COL7A1: variants seen among roughly 807,000 people sequenced by gnomAD.
The protein encoded by COL7A1 is collagen type VII alpha 1 chain.
COL7A1 carries 296 observed loss-of-function variants against 456.2 expected under a neutral mutation model. That is an observed-to-expected ratio of 0.65 (90% confidence interval 0.59 to 0.71). COL7A1 has a LOEUF of 0.71. Among genes scored for constraint, COL7A1 ranks in the 30% least tolerant of loss-of-function variants. The probability of loss-of-function intolerance (pLI) is 0.00; values close to 1 mark genes in which losing one functional copy is unlikely to be tolerated. For missense variants in COL7A1, 3,441 were observed against 4,017.2 expected, an observed-to-expected ratio of 0.86 and a Z score of 3.88; for synonymous variants, 1,464 against 1,525.9, an observed-to-expected ratio of 0.96 and a Z score of 0.95.
Position 48,574,546 on chromosome 3 carries a change from A to G in COL7A1, c.6398T>C (p.Val2133Ala), listed in dbSNP as rs372838887. 88 of 1,613,772 alleles carry G rather than the reference A, an allele frequency of 5.5e-5. No homozygotes were observed. Among genetic ancestry groups the G allele is most frequent in the Middle Eastern group, 4.9e-4 (3 of 6,082 alleles). ...GDQGPKGDRG[V>A]PGIKGDRGEP... ...TCCCCGGTCTCCTTTGATGCCTGGC[A>G]CACCCTGAAGGCAGAGTGTCGTGCC... Residue 2133 changes from valine to alanine, a missense_variant, in exon 79 of 119, where the codon GTG becomes GCG. Around this residue, in one of 3 missense-constraint regions of COL7A1, gnomAD observed 2,084 missense variants for 2,501.3 expected, o/e 0.83. Transcript: ENST00000681320. The surrounding 1 kb of genome is among the most constrained non-coding windows in gnomAD (Gnocchi z 5.0).
chr3:48,575,979 G>T lies in COL7A1; in HGVS notation c.5821-77C>A. On this transcript the variant is annotated intron_variant, in intron 71 of 118. Coordinates refer to ENST00000681320, the MANE Select transcript of COL7A1 (RefSeq NM_000094.4). The surrounding 1 kb of genome is among the most constrained non-coding windows in gnomAD (Gnocchi z 6.3). The stretch of plus-strand genomic sequence containing the variant: ...TTCTGCCCCGCACGGCCTCAGGAAA[G>T]CACCTTCACACCCTTTTCCCTAGGC... 6.2e-7 allele frequency: 1 copy of T among 1,607,850 alleles called. No homozygotes were observed. The highest frequency in any genetic ancestry group is 1.1e-5 in the South Asian group (1 of 90,936).
Position 48,587,195 on chromosome 3 carries a change from G to T in COL7A1, c.3134C>A (p.Thr1045Lys). The change falls in exon 24 of 119, where the codon ACG becomes AAG. Residue 1045 changes from threonine to lysine, a missense_variant. Transcript: ENST00000681320. The surrounding 1 kb of genome is among the most constrained non-coding windows in gnomAD (Gnocchi z 6.1). ...TCCCACTACGCCCACTATACCTGGC[G>T]TCTGTGTGACAGATGCCTCAGGACC... ...VRGPEASVTQ[T>K]PVCPRGLADV... is the part of the protein sequence containing the mutation. 6.2e-7 allele frequency: 1 copy of T among 1,613,582 alleles called. No homozygotes were observed. The highest frequency in any genetic ancestry group is 1.1e-5 in the South Asian group (1 of 90,996).
chr3:48,568,358 G>A lies in COL7A1; in HGVS notation c.7794+141C>T, dbSNP rs1037343102. 11 of 1,064,506 alleles carry A rather than the reference G, an allele frequency of 1.0e-5. No homozygotes were observed. The highest frequency in any genetic ancestry group is 9.8e-5 in the South Asian group (7 of 71,518). 65.9% of individuals were successfully genotyped at this position (1,064,506 alleles called of 1,614,324 possible). On this transcript the variant is annotated intron_variant, in intron 105 of 118. Transcript: ENST00000681320. This position sits in a 1 kb window ranked among gnomAD's most constrained non-coding sequence, Gnocchi z 5.2. ...ACCATCATAGGCGGCTACTGTGGAGGTGGGGGACCCTGGGTGACATGAGGA... is the reference window on the plus strand; with the variant it reads ...ACCATCATAGGCGGCTACTGTGGAGATGGGGGACCCTGGGTGACATGAGGA...
Position 48,571,042 on chromosome 3 carries a change from T to TAGAG in COL7A1, c.7164+58_7164+59insCTCT, listed in dbSNP as rs2043884501. 6.2e-7 allele frequency: 1 copy of TAGAG among 1,611,632 alleles called. No individual in the cohort carries two copies. Among genetic ancestry groups the TAGAG allele is most frequent in the African/African-American group, 1.3e-5 (1 of 74,836 alleles). ...CCAGGACTCTCATCAGAACTCCCTC[T>TAGAG]TCCTCCTGTGGGGGCCCGGCCTGCT... On this transcript the variant is annotated intron_variant, in intron 94 of 118. Coordinates refer to ENST00000681320, the MANE Select transcript of COL7A1 (RefSeq NM_000094.4). This position sits in a 1 kb window ranked among gnomAD's most constrained non-coding sequence, Gnocchi z 4.6.
At position 48,588,448 on chromosome 3, in the gene COL7A1, C is replaced by T. The variant is rs772142154; in HGVS notation, c.2588-44G>A. On this transcript the variant is annotated intron_variant, in intron 20 of 118. Coordinates refer to ENST00000681320, the MANE Select transcript of COL7A1 (RefSeq NM_000094.4). This position sits in a 1 kb window ranked among gnomAD's most constrained non-coding sequence, Gnocchi z 4.6. ...AATCAGGGAGGCTCTGCCCCCATGG[C>T]CCCTGCACCAATCCCAGGCCCACCC... 2.5e-6 allele frequency: 4 copies of T among 1,600,312 alleles called. No individual in the cohort carries two copies. The Admixed American group carries it at 6.7e-5, about 27-fold the overall frequency.
rs2045430250 is a variant in COL7A1 at position 48,588,290 on chromosome 3, T to C, written c.2702A>G (p.Gln901Arg). Residue 901 changes from glutamine (Q) to arginine (R), a missense_variant, in exon 21 of 119, where the codon CAA becomes CGA. Around this residue, in one of 3 missense-constraint regions of COL7A1, gnomAD observed 444 missense variants for 427.6 expected, o/e 1.04. Coordinates refer to ENST00000681320, the MANE Select transcript of COL7A1 (RefSeq NM_000094.4). This position sits in a 1 kb window ranked among gnomAD's most constrained non-coding sequence, Gnocchi z 4.6. Reference sequence around the variant, plus strand: ...CTGGGGACACCTCTCACCCTCAGGTTGCCAGTGCAGAAGGAAGCCCTGCGC... The same window carrying C: ...CTGGGGACACCTCTCACCCTCAGGTCGCCAGTGCAGAAGGAAGCCCTGCGC... Reference protein sequence around the residue: ...PRAQGFLLHWQPEGGQEQSRV... With the variant: ...PRAQGFLLHWRPEGGQEQSRV... The C allele has an allele frequency of 6.2e-7, 1 of 1,612,900 alleles. No individual in the cohort carries two copies. The highest frequency in any genetic ancestry group is 8.5e-7 in the Non-Finnish European group (1 of 1,179,946).
At position 48,565,409 on chromosome 3, in the gene COL7A1, C is replaced by T. The variant is rs1223377093; in HGVS notation, c.8527+1G>A. 6.2e-7 allele frequency: 1 copy of T among 1,603,280 alleles called. No homozygotes were observed. The highest frequency in any genetic ancestry group is 1.7e-5 in the Admixed American group (1 of 58,670). On this transcript the variant is annotated splice_donor_variant, in intron 116 of 118. Transcript: ENST00000681320. LOFTEE classifies it high-confidence loss of function. This position sits in a 1 kb window ranked among gnomAD's most constrained non-coding sequence, Gnocchi z 4.5. Reference sequence around the variant, plus strand: ...TGCCCCACGGGTTCAGCTGTCCTCACCTTCCTCCTCTGCATGAGAGACGCG... The same window carrying T: ...TGCCCCACGGGTTCAGCTGTCCTCATCTTCCTCCTCTGCATGAGAGACGCG...
At position 48,590,326 on chromosome 3, in the gene COL7A1, T is replaced by A. The variant is rs1559431562; in HGVS notation, c.1937A>T (p.Asp646Val). 6 of 1,613,822 alleles carry A rather than the reference T, an allele frequency of 3.7e-6. No individual in the cohort carries two copies. The highest frequency in any genetic ancestry group is 4.2e-6 in the Non-Finnish European group (5 of 1,179,940). ...CCCTGTGATGTCTGTGGCAGTAGAG[T>A]CTGGGGGCAGTGTCTGGCTGGACTC... The part of the protein sequence containing the change: ...GPESSQTLPP[D>V]STATDITGLQ... Residue 646 changes from aspartate (D) to valine (V), a missense_variant, in exon 16 of 119, where the codon GAC becomes GTC. Around this residue, in one of 3 missense-constraint regions of COL7A1, gnomAD observed 913 missense variants for 1,088.2 expected, o/e 0.84. Coordinates refer to ENST00000681320, the MANE Select transcript of COL7A1 (RefSeq NM_000094.4). This position sits in a 1 kb window ranked among gnomAD's most constrained non-coding sequence, Gnocchi z 4.6.
chr3:48,583,813 A>T lies in COL7A1; in HGVS notation c.4279-33T>A, dbSNP rs747317198. On this transcript the variant is annotated intron_variant, in intron 39 of 118. Coordinates refer to ENST00000681320, the MANE Select transcript of COL7A1 (RefSeq NM_000094.4). The surrounding 1 kb of genome is among the most constrained non-coding windows in gnomAD (Gnocchi z 5.1). The stretch of plus-strand genomic sequence containing the variant: ...GAAGTGAGTAAAAATATGAGCCAAG[A>T]ACTATGAAGCCCAGCACCCAACCAC... The T allele has an allele frequency of 6.8e-6, 11 of 1,613,680 alleles. No individual in the cohort carries two copies. Among genetic ancestry groups the T allele is most frequent in the Non-Finnish European group, 9.3e-6 (11 of 1,179,880 alleles).
rs371939692 is a variant in COL7A1, at chr3:48,592,575, C to T, written c.971G>A (p.Arg324Gln). 1.4e-5 allele frequency: 23 copies of T among 1,613,804 alleles called. No individual in the cohort carries two copies. The highest frequency in any genetic ancestry group is 1.6e-4 in the Middle Eastern group (1 of 6,084). Residue 324 changes from arginine to glutamine, a missense_variant, in exon 8 of 119, where the codon CGG becomes CAG. Transcript: ENST00000681320. The surrounding 1 kb of genome is among the most constrained non-coding windows in gnomAD (Gnocchi z 7.6). ...AGGCTGGCAGAATTGCTCACTGGTC[C>T]GAGCTGTCCCGCTCACAGCCTCCCC... ...SIGEAVSGTA[R>Q]TTALEGPELT... is the part of the protein sequence containing the mutation.
chr3:48,593,913 C>T lies in COL7A1; in HGVS notation c.267-217G>A, dbSNP rs1026541384. On this transcript the variant is annotated intron_variant, in intron 3 of 118. Coordinates refer to ENST00000681320, the MANE Select transcript of COL7A1 (RefSeq NM_000094.4). The surrounding 1 kb of genome is among the most constrained non-coding windows in gnomAD (Gnocchi z 4.4). ...CATCTGCAGGTGGGCCTGGGCAGAC[C>T]TGAAGGAGCCCTTAGGGGCTCACAG... 6.6e-6 allele frequency among the ~76,000 whole-genome samples: 1 copy of T among 152,198 alleles called. No homozygotes were observed. The highest frequency in any genetic ancestry group is 1.5e-5 in the Non-Finnish European group (1 of 68,032).
Position 48,565,745 on chromosome 3 carries a change from C to G in COL7A1, c.8408-77G>C. The G allele has an allele frequency of 7.2e-7, 1 of 1,380,044 alleles. No individual in the cohort carries two copies. Among genetic ancestry groups the G allele is most frequent in the African/African-American group, 1.4e-5 (1 of 69,848 alleles). 85.5% of individuals were successfully genotyped at this position (1,380,044 alleles called of 1,614,324 possible). ...AGATGGAGAGACAGACAGAGACACA[C>G]AGGCAGAGGGGTAGAGATACACAAA... On this transcript the variant is annotated intron_variant, in intron 114 of 118. Coordinates refer to ENST00000681320, the MANE Select transcript of COL7A1 (RefSeq NM_000094.4). The surrounding 1 kb of genome is among the most constrained non-coding windows in gnomAD (Gnocchi z 4.5).
Position 48,580,531 on chromosome 3 carries a change from G to T in COL7A1, c.5052+50C>A, listed in dbSNP as rs2044671307. Reference sequence around the variant, plus strand: ...GGGTAGGATCAGGTATTGGGAATTGGCTGGTTGGAGGGTTAAGGTTGGGGT... The same window carrying T: ...GGGTAGGATCAGGTATTGGGAATTGTCTGGTTGGAGGGTTAAGGTTGGGGT... On this transcript the variant is annotated intron_variant, in intron 55 of 118. Transcript: ENST00000681320. This position sits in a 1 kb window ranked among gnomAD's most constrained non-coding sequence, Gnocchi z 4.5. 5 of 1,590,302 alleles carry T rather than the reference G, an allele frequency of 3.1e-6. No individual in the cohort carries two copies. Among genetic ancestry groups the T allele is most frequent in the South Asian group, 1.1e-5 (1 of 89,986 alleles).
chr3:48,590,404 GCACCCATACCCT>G lies in COL7A1; in HGVS notation c.1906+43_1907-49del, dbSNP rs1238652404. 10 of 1,613,912 alleles carry G rather than the reference GCACCCATACCCT, an allele frequency of 6.2e-6. No individual in the cohort carries two copies. In the African/African-American group the frequency reaches 1.1e-4, roughly 17 times the overall value. On this transcript the variant is annotated intron_variant, in intron 15 of 118. Coordinates refer to ENST00000681320, the MANE Select transcript of COL7A1 (RefSeq NM_000094.4). This position sits in a 1 kb window ranked among gnomAD's most constrained non-coding sequence, Gnocchi z 4.6. The stretch of plus-strand genomic sequence containing the variant: ...GCATGGCTCCTGCCTGTCCCCTCTG[GCACCCATACCCT>G]CATTGGTCCCTTTGGCAGTCCCCCC...
chr3:48,567,181 C>T lies in COL7A1; in HGVS notation c.8056G>A (p.Gly2686Ser), dbSNP rs1305672543. The T allele has an allele frequency of 6.2e-7, 1 of 1,614,022 alleles. No individual in the cohort carries two copies. Among genetic ancestry groups the T allele is most frequent in the Admixed American group, 1.7e-5 (1 of 60,022 alleles). The change falls in exon 110 of 119, where the codon GGC (glycine) becomes AGC (serine). Residue 2686 changes from glycine to serine, a missense_variant. Transcript: ENST00000681320. This position sits in a 1 kb window ranked among gnomAD's most constrained non-coding sequence, Gnocchi z 4.3. ...TTGGGGCCTGGCTGCCCGTCAAAGC[C>T]TCGGTCACCCTGGGAACAGAAGAAG... is the stretch of plus-strand genomic sequence containing the variant. Reference protein sequence around the residue: ...EGLIGPKGDRGFDGQPGPKGD... With the variant: ...EGLIGPKGDRSFDGQPGPKGD...
At position 48,587,231 on chromosome 3, in the gene COL7A1, T is replaced by C; in HGVS notation, c.3098A>G (p.Asp1033Gly). The C allele has an allele frequency of 6.2e-7, 1 of 1,613,434 alleles. No homozygotes were observed. Among genetic ancestry groups the C allele is most frequent in the Non-Finnish European group, 8.5e-7 (1 of 1,179,860 alleles). The change falls in exon 24 of 119, where the codon GAT (aspartate) becomes GGT (glycine). Residue 1033 changes from aspartate (D) to glycine (G), a missense_variant. Coordinates refer to ENST00000681320, the MANE Select transcript of COL7A1 (RefSeq NM_000094.4). This position sits in a 1 kb window ranked among gnomAD's most constrained non-coding sequence, Gnocchi z 6.1. The stretch of plus-strand genomic sequence containing the variant: ...AGATGCCTCAGGACCCCGCACACCA[T>C]CCAGGACAGGCGTCAGGGAGAAGAT... ...SYIFSLTPVL[D>G]GVRGPEASVT...
intron 37 of COL7A1, 50 bp from the exon 38 acceptor site, chr3:48,584,111 A>G (rs2045020373): frequency 1.2e-6 from 2 of 1,613,750 alleles, no homozygotes; most frequent in African/African-American, 1.3e-5. Context: ...CTCACTCCCA[A>G]AGATACCAGG....
rs762641131 is a variant in COL7A1, at chr3:48,574,590, C to T, written c.6394-40G>A. On this transcript the variant is annotated intron_variant, in intron 78 of 118. Coordinates refer to ENST00000681320, the MANE Select transcript of COL7A1 (RefSeq NM_000094.4). The surrounding 1 kb of genome is among the most constrained non-coding windows in gnomAD (Gnocchi z 5.0). ...TCGTGCCCTGAGCCCCCAGTCCCTG[C>T]CACGTGCCCAGGTGCATATGCACAC... The T allele has an allele frequency of 1.4e-5, 22 of 1,613,884 alleles. No homozygotes were observed. The highest frequency in any genetic ancestry group is 1.2e-4 in the South Asian group (11 of 91,088).
At position 48,591,874 on chromosome 3, in the gene COL7A1, G is replaced by A; in HGVS notation, c.1357+24C>T. ...AGAGGCCATGCCCTGACCCTTGCCT[G>A]TCCATCCCTTCCCCCGCACTGACCA... On this transcript the variant is annotated intron_variant, in intron 11 of 118. Transcript: ENST00000681320. The surrounding 1 kb of genome is among the most constrained non-coding windows in gnomAD (Gnocchi z 7.0). 1 of 1,614,162 alleles carries A rather than the reference G, an allele frequency of 6.2e-7. No individual in the cohort carries two copies. Among genetic ancestry groups the A allele is most frequent in the Non-Finnish European group, 8.5e-7 (1 of 1,180,022 alleles).
Sources: gnomAD v4.1 joint callset for allele counts (sites outside exome capture counted in the v4.1 genomes callset) on GRCh38, gnomAD v4.1.1 for gene constraint, gnomAD v4.1.1 regional missense constraint, Gnocchi (gnomAD v3.1) non-coding constraint, MANE v1.5 for transcripts, NCBI Gene and HGNC (gene_info 2026-07-23, HGNC 2026-07-21) for gene names.